The following NCKAP5 variants were observed in gnomAD, a reference collection of about 807,000 sequenced individuals.
NCKAP5 encodes nck-associated protein 5.
NCKAP5 carries 92 observed loss-of-function variants against 167.0 expected under a neutral mutation model. The ratio of observed to expected loss-of-function variants is 0.55; its 90% CI spans 0.47 to 0.66. The LOEUF (loss-of-function observed/expected upper bound fraction) is 0.66. Among genes scored for constraint, NCKAP5 ranks in the 30% least tolerant of loss-of-function variants. NCKAP5 has a pLI of 0.00. For missense variants in NCKAP5, 2,378 were observed against 2,315.0 expected, an observed-to-expected ratio of 1.03 and a Z score of -0.56; for synonymous variants, 891 against 877.4, an observed-to-expected ratio of 1.02 and a Z score of -0.27.
At chr2:133,462,288 A>G (rs978641131) in intron 3 of NCKAP5, among the ~76,000 whole-genome samples, 1 of 152,140 alleles carries the variant, frequency 6.6e-6, no homozygotes, top group African/African-American at 2.4e-5. Context: ...ATCACATGAT[A>G]AAGTTGTCAG....
chr2:132,732,186 A>C, intron 16 of NCKAP5, 135 bp from the exon 17 acceptor site: 1 of 830,508 alleles, frequency 1.2e-6, no homozygotes, highest in East Asian at 2.7e-5. Context: ...GAAAAATGTC[A>C]CAAGGACAGA....
the NCKAP5 span, among the ~76,000 whole-genome samples, chr2:133,615,951 C>T: frequency 6.6e-6 from 1 of 150,728 alleles, no homozygotes; most frequent in African/African-American, 2.4e-5. Context: ...AACAAACTAT[C>T]TCTCAGACCA....
chr2:133,557,211 C>T (rs2043234), intron 2 of NCKAP5, among the ~76,000 whole-genome samples: 12,541 of 152,142 alleles, frequency 0.082, 700 homozygotes, highest in East Asian at 0.27. Flanking sequence ...ATCATGAATG[C>T]GGTTTTTCTC....
At position 133,504,959 on chromosome 2, in the gene NCKAP5, A is replaced by C. The variant is rs1326962203; in HGVS notation, c.69+12499T>G. Among the ~76,000 whole-genome samples the C allele has an allele frequency of 2.0e-5, 3 of 152,164 alleles. No homozygotes were observed. In the East Asian group the frequency reaches 5.8e-4, roughly 29 times the overall value. The stretch of plus-strand genomic sequence containing the variant: ...GCTCTAAGCTGGCAGAGCTTAAAGC[A>C]ATTGAAGGCATAAGACAAACAAAGG... On this transcript the variant is annotated intron_variant, in intron 3 of 19. Transcript: ENST00000409261.
chr2:133,321,054 C>T (rs1682015125), intron 3 of NCKAP5, among the ~76,000 whole-genome samples: 1 of 152,178 alleles, frequency 6.6e-6, no homozygotes, highest in Non-Finnish European at 1.5e-5. Flanking sequence ...ATCTGCTATC[C>T]ACTAAAGAAG....
chr2:133,547,019 G>C (rs550812595), intron 2 of NCKAP5, among the ~76,000 whole-genome samples: 1 of 152,266 alleles, frequency 6.6e-6, no homozygotes, highest in South Asian at 2.1e-4. Context: ...CAGTGGGTGC[G>C]CGCACCGTGC....
In NCKAP5 at chr2:133,187,735, C is replaced by G. The variant is rs558613630; in HGVS notation, c.207+25981G>C. Among the ~76,000 whole-genome samples, 4 of 152,018 alleles carry G rather than the reference C, an allele frequency of 2.6e-5. No homozygotes were observed. In the East Asian group the frequency reaches 7.7e-4, roughly 29 times the overall value. Reference sequence around the variant, plus strand: ...TTCTATAAAATTTCCAGTGAGATGGCCTTCTTTGTCTCTTTTGATCTTTGT... The same window carrying G: ...TTCTATAAAATTTCCAGTGAGATGGGCTTCTTTGTCTCTTTTGATCTTTGT... On this transcript the variant is annotated intron_variant, in intron 5 of 19. Transcript: ENST00000409261.
intron 3 of NCKAP5, among the ~76,000 whole-genome samples, chr2:133,494,688 G>C (rs1156673627): frequency 1.3e-5 from 2 of 152,008 alleles, no homozygotes; most frequent in African/African-American, 2.4e-5. Context: ...ATTAAAGCAG[G>C]GATGTTAAGA....
Position 132,946,442 on chromosome 2 carries a change from C to T in NCKAP5, c.579+17278G>A, listed in dbSNP as rs1312438254. ...TTTATAAACCTATAGGTGACAGCGG[C>T]CCTCAAAAAACTATTTATCTTTCTA... On this transcript the variant is annotated intron_variant, in intron 8 of 19. Coordinates refer to ENST00000409261, the MANE Select transcript of NCKAP5 (RefSeq NM_207363.3). Among the ~76,000 whole-genome samples the T allele has an allele frequency of 2.0e-5, 3 of 152,082 alleles. No individual in the cohort carries two copies. The East Asian group carries it at 5.8e-4, about 29-fold the overall frequency.
chr2:133,143,614 T>G lies in NCKAP5; in HGVS notation c.208-13503A>C, dbSNP rs115769524. Among the ~76,000 whole-genome samples the G allele has an allele frequency of 6.8e-3, 1,032 of 151,950 alleles. 11 individuals carry two copies. Among genetic ancestry groups the G allele is most frequent in the African/African-American group, 0.024 (979 of 41,420 alleles). On this transcript the variant is annotated intron_variant, in intron 5 of 19. Coordinates refer to ENST00000409261, the MANE Select transcript of NCKAP5 (RefSeq NM_207363.3). The stretch of plus-strand genomic sequence containing the variant: ...GTACAATTAAAGTGCACCTCCTTAT[T>G]CACAGAGAAGTCACAAAGTAATTCC...
intron 8 of NCKAP5, among the ~76,000 whole-genome samples, chr2:132,913,345 C>T (rs1428085228): frequency 6.6e-6 from 1 of 151,944 alleles, no homozygotes; most frequent in Non-Finnish European, 1.5e-5. Flanking sequence ...GATTCTACAG[C>T]CAGATGGAAC....
intron 3 of NCKAP5, among the ~76,000 whole-genome samples, chr2:133,495,192 A>G (rs552309273): frequency 1.3e-5 from 2 of 152,280 alleles, no homozygotes; most frequent in African/African-American, 4.8e-5. Flanking sequence ...TTGATGTCTT[A>G]TATCTCCATA....
intron 8 of NCKAP5, among the ~76,000 whole-genome samples, chr2:132,922,621 ATGCTGT>A (rs1695530373): frequency 6.6e-6 from 1 of 152,182 alleles, no homozygotes; most frequent in African/African-American, 2.4e-5. Context: ...CAAACAGGGC[ATGCTGT>A]TTCATGCCTT....
intron 4 of NCKAP5, among the ~76,000 whole-genome samples, chr2:133,238,803 C>T (rs2087543830): frequency 6.6e-6 from 1 of 152,194 alleles, no homozygotes; most frequent in South Asian, 2.1e-4. Flanking sequence ...CAAGGTCCTG[C>T]TTCCAGTTCC....
At chr2:132,865,688 G>A (rs1690289063) in intron 10 of NCKAP5, among the ~76,000 whole-genome samples, 1 of 152,122 alleles carries the variant, frequency 6.6e-6, no homozygotes, top group South Asian at 2.1e-4. Context: ...AACTATGGGG[G>A]AGAAAAACAA....
chr2:133,143,852 A>T (rs1574167768), intron 5 of NCKAP5, among the ~76,000 whole-genome samples: 2 of 152,054 alleles, frequency 1.3e-5, no homozygotes, highest in South Asian at 4.2e-4. Context: ...GGCCACAGTA[A>T]GTAAATAGCA....
intron 16 of NCKAP5, among the ~76,000 whole-genome samples, chr2:132,732,740 A>C (rs1238414332): frequency 6.6e-6 from 1 of 152,210 alleles, no homozygotes; most frequent in Non-Finnish European, 1.5e-5. Flanking sequence ...ACATAAATTG[A>C]AGTGACGTCC....
At chr2:132,728,692 A>G in intron 18 of NCKAP5, 124 bp downstream of exon 18, 1 of 1,298,990 alleles carries the variant, frequency 7.7e-7, no homozygotes, top group Non-Finnish European at 1.1e-6. Context: ...CTTGGTTTAT[A>G]TTCAGTAAAC....
At chr2:132,944,818 T>C (rs1392136250) in intron 8 of NCKAP5, among the ~76,000 whole-genome samples, 5 of 152,176 alleles carry the variant, frequency 3.3e-5, no homozygotes, top group African/African-American at 1.2e-4. Flanking sequence ...GAACATGTCA[T>C]AGGATTTTCT....
Sources: gnomAD v4.1 joint callset for allele counts (sites outside exome capture counted in the v4.1 genomes callset) on GRCh38, gnomAD v4.1.1 for gene constraint, MANE v1.5 for transcripts, NCBI Gene and HGNC (gene_info 2026-07-23, HGNC 2026-07-21) for gene names.